Variants in CD79A observed in about 807,000 individuals in gnomAD.
CD79A encodes B-cell antigen receptor complex-associated protein alpha chain.
In CD79A, 16 loss-of-function variants were observed where a neutral mutation model predicts 27.4. That is an observed-to-expected ratio of 0.58 (90% confidence interval 0.40 to 0.89). The LOEUF (loss-of-function observed/expected upper bound fraction) is 0.89. CD79A is among the 40% of genes least tolerant of loss of function. The pLI is 0.00. For missense variants in CD79A, 237 were observed against 299.7 expected (o/e 0.79, Z 1.55); for synonymous variants, 110 against 132.7 (o/e 0.83, Z 1.18).
rs374135887 is a variant in CD79A, at chr19:41,877,364, G to A, written c.60G>A (p.Leu20=). 4.3e-6 allele frequency: 7 copies of A among 1,613,962 alleles called. No individual in the cohort carries two copies. The highest frequency in any genetic ancestry group is 5.9e-6 in the Non-Finnish European group (7 of 1,179,932). ...ALPATIFLLF[L]LSAVYLGPGC... ...CTGCCACCATCTTCCTCCTCTTCCT[G>A]CTGTCTGCTGTCTACCTGGGTATGT... The change falls in exon 1 of 5, where the codon CTG becomes CTA. Residue 20 remains leucine, a synonymous_variant. Transcript: ENST00000221972. This position sits in a 1 kb window ranked among gnomAD's most constrained non-coding sequence, Gnocchi z 4.1.
chr19:41,881,248 C>T lies in CD79A; in HGVS notation c.*268C>T, dbSNP rs1555844227. On this transcript the variant is annotated 3_prime_UTR_variant, in exon 5 of 5. Coordinates refer to ENST00000221972, the MANE Select transcript of CD79A (RefSeq NM_001783.4). ...CTGCCTTTCCCAGGCTCCCCTCACC[C>T]CAGCGGGTAATGAGCCCTTAATCGC... 1.8e-6 allele frequency: 1 copy of T among 563,056 alleles called. No homozygotes were observed. Among genetic ancestry groups the T allele is most frequent in the African/African-American group, 1.9e-5 (1 of 53,304 alleles). The allele number at this position is 563,056 out of a possible 1,614,324, so 34.9% of individuals were successfully genotyped here. A position where few individuals can be genotyped will look rare whatever the true frequency, so the allele number is the denominator to read the frequency against.
rs1555843115 is a variant in CD79A at position 41,877,373 on chromosome 19, T to G, written c.69T>G (p.Ala23=). 5 of 1,614,012 alleles carry G rather than the reference T, an allele frequency of 3.1e-6. No homozygotes were observed. The highest frequency in any genetic ancestry group is 4.2e-6 in the Non-Finnish European group (5 of 1,179,900). Residue 23 remains alanine, a synonymous_variant, in exon 1 of 5, where the codon GCT becomes GCG. Coordinates refer to ENST00000221972, the MANE Select transcript of CD79A (RefSeq NM_001783.4). This position sits in a 1 kb window ranked among gnomAD's most constrained non-coding sequence, Gnocchi z 4.1. ...TCTTCCTCCTCTTCCTGCTGTCTGCTGTCTACCTGGGTATGTGGCCAAAGG... is the reference window on the plus strand; with the variant it reads ...TCTTCCTCCTCTTCCTGCTGTCTGCGGTCTACCTGGGTATGTGGCCAAAGG... The part of the protein sequence containing the change: ...ATIFLLFLLS[A]VYLGPGCQAL...
chr19:41,879,491 G>T lies in CD79A; in HGVS notation c.380-44G>T. The T allele has an allele frequency of 2.1e-6, 3 of 1,439,298 alleles. No homozygotes were observed. In the South Asian group the frequency reaches 3.5e-5, roughly 17 times the overall value. 89.2% of individuals were successfully genotyped at this position (1,439,298 alleles called of 1,614,324 possible). On this transcript the variant is annotated intron_variant, in intron 2 of 4. Transcript: ENST00000221972. This position sits in a 1 kb window ranked among gnomAD's most constrained non-coding sequence, Gnocchi z 5.1. ...GTGGGCGGGGCCAGGAGGCTAGGGA[G>T]GGCAAGAGGGGCCAGGGCTCTGAGC...
rs550589218 is a variant in CD79A, at chr19:41,880,942, A to T, written c.643A>T (p.Ser215Cys). The change falls in exon 5 of 5, where the codon AGC becomes TGC. Residue 215 changes from serine (S) to cysteine (C), a missense_variant. Coordinates refer to ENST00000221972, the MANE Select transcript of CD79A (RefSeq NM_001783.4). ...CCAGGGCACCTACCAGGATGTGGGC[A>T]GCCTCAACATAGGAGATGTCCAGCT... is the stretch of plus-strand genomic sequence containing the variant. ...GLQGTYQDVGSLNIGDVQLEK... is the reference protein window; with the variant it reads ...GLQGTYQDVGCLNIGDVQLEK... 1 of 1,596,668 alleles carries T rather than the reference A, an allele frequency of 6.3e-7. No homozygotes were observed. The highest frequency in any genetic ancestry group is 1.7e-5 in the Admixed American group (1 of 57,308).
chr19:41,879,496 A>C lies in CD79A; in HGVS notation c.380-39A>C, dbSNP rs1555843676. ...CGGGGCCAGGAGGCTAGGGAGGGCA[A>C]GAGGGGCCAGGGCTCTGAGCCATAC... On this transcript the variant is annotated intron_variant, in intron 2 of 4. Coordinates refer to ENST00000221972, the MANE Select transcript of CD79A (RefSeq NM_001783.4). This position sits in a 1 kb window ranked among gnomAD's most constrained non-coding sequence, Gnocchi z 5.1. 2 of 1,473,610 alleles carry C rather than the reference A, an allele frequency of 1.4e-6. No individual in the cohort carries two copies. The highest frequency in any genetic ancestry group is 1.9e-6 in the Non-Finnish European group (2 of 1,066,434). 91.3% of individuals were successfully genotyped at this position (1,473,610 alleles called of 1,614,324 possible). A position where few individuals can be genotyped will look rare whatever the true frequency, so the allele number is the denominator to read the frequency against.
At chr19:41,880,456 GGAA>G (rs55674421) in intron 3 of CD79A, among the ~76,000 whole-genome samples, 7,802 of 38,498 alleles carry the variant, frequency 0.2, 297 homozygotes, top group Non-Finnish European at 0.27. Flanking sequence ...GGGAAGGGAA[GGAA>G]GGAAGGAAGG....
Position 41,879,456 on chromosome 19 carries a change from C to T in CD79A, c.380-79C>T. On this transcript the variant is annotated intron_variant, in intron 2 of 4. Coordinates refer to ENST00000221972, the MANE Select transcript of CD79A (RefSeq NM_001783.4). The surrounding 1 kb of genome is among the most constrained non-coding windows in gnomAD (Gnocchi z 5.1). ...GTGGGGTCTCTGGGGGGTCTGGGGC[C>T]TTGCAGGAGGTGGGCGGGGCCAGGA... The T allele has an allele frequency of 7.9e-7, 1 of 1,262,440 alleles. No individual in the cohort carries two copies. The highest frequency in any genetic ancestry group is 1.1e-6 in the Non-Finnish European group (1 of 890,214). The allele number at this position is 1,262,440 out of a possible 1,614,324, so 78.2% of individuals were successfully genotyped here.
At chr19:41,880,645 G>GCT in intron 3 of CD79A, 25 bp from the exon 4 acceptor site, 2 of 1,134,286 alleles carry the variant, frequency 1.8e-6, no homozygotes, top group Non-Finnish European at 2.6e-6. Flanking sequence ...GCTCACTGAG[G>GCT]CACCCACCCC....
intron 4 of CD79A, 60 bp downstream of exon 4, chr19:41,880,798 T>TG: frequency 9.5e-7 from 1 of 1,056,708 alleles, no homozygotes; most frequent in Non-Finnish European, 1.4e-6. Flanking sequence ...GTGTTCCCTC[T>TG]GGGGGTGGCT....
rs1555843585 is a variant in CD79A at position 41,879,273 on chromosome 19, C to T, written c.363C>T (p.Thr121=). The stretch of plus-strand genomic sequence containing the variant: ...AGTCATACCAGCAGTCCTGCGGCAC[C>T]TACCTCCGCGTGCGCCGTGAGTGGC... The part of the protein sequence containing the change: ...GNESYQQSCG[T]YLRVRQPPPR... Residue 121 remains threonine, a synonymous_variant, in exon 2 of 5, where the codon ACC becomes ACT. Coordinates refer to ENST00000221972, the MANE Select transcript of CD79A (RefSeq NM_001783.4). This position sits in a 1 kb window ranked among gnomAD's most constrained non-coding sequence, Gnocchi z 5.1. 6.2e-7 allele frequency: 1 copy of T among 1,612,906 alleles called. No homozygotes were observed.
chr19:41,879,632 T>C lies in CD79A; in HGVS notation c.477T>C (p.Pro159=). 1 of 1,610,156 alleles carries C rather than the reference T, an allele frequency of 6.2e-7. No homozygotes were observed. The highest frequency in any genetic ancestry group is 8.5e-7 in the Non-Finnish European group (1 of 1,177,596). Residue 159 remains proline, a synonymous_variant, in exon 3 of 5, where the codon CCT becomes CCC. Coordinates refer to ENST00000221972, the MANE Select transcript of CD79A (RefSeq NM_001783.4). This position sits in a 1 kb window ranked among gnomAD's most constrained non-coding sequence, Gnocchi z 5.1. The part of the protein sequence containing the change: ...GIILLFCAVV[P]GTLLLFRKRW... ...TCCTCCTGTTCTGCGCGGTGGTGCC[T>C]GGGACGCTGCTGCTGTTCAGGGTGA...
intron 3 of CD79A, among the ~76,000 whole-genome samples, chr19:41,880,266 A>G (rs1215407245): frequency 1.3e-5 from 2 of 151,998 alleles, no homozygotes; most frequent in African/African-American, 2.4e-5. Context: ...CTATAGTCCC[A>G]GCTACTCAGG....
Position 41,881,217 on chromosome 19 carries a change from G to A in CD79A, c.*237G>A, listed in dbSNP as rs782450235. The A allele has an allele frequency of 3.8e-4, 225 of 585,640 alleles. No homozygotes were observed. Among genetic ancestry groups the A allele is most frequent in the Non-Finnish European group, 6.1e-4 (200 of 325,792 alleles). 36.3% of individuals were successfully genotyped at this position (585,640 alleles called of 1,614,324 possible). A position where few individuals can be genotyped will look rare whatever the true frequency, so the allele number is the denominator to read the frequency against. The stretch of plus-strand genomic sequence containing the variant: ...CCCCACCTCCTAACCTAATCCCCCC[G>A]CCCCGCTGCCTTTCCCAGGCTCCCC... On this transcript the variant is annotated 3_prime_UTR_variant, in exon 5 of 5. Transcript: ENST00000221972.
intron 3 of CD79A, among the ~76,000 whole-genome samples, chr19:41,880,391 A>AAGAAAG (rs2074214388): frequency 8.2e-6 from 1 of 121,540 alleles, no homozygotes; most frequent in African/African-American, 3.1e-5. Context: ...GAGAGAGAGA[A>AAGAAAG]AGAGAGAGAG....
chr19:41,879,228 C>T lies in CD79A; in HGVS notation c.318C>T (p.Cys106=). The change falls in exon 2 of 5, where the codon TGC becomes TGT. Residue 106 remains cysteine, a synonymous_variant. Coordinates refer to ENST00000221972, the MANE Select transcript of CD79A (RefSeq NM_001783.4). This position sits in a 1 kb window ranked among gnomAD's most constrained non-coding sequence, Gnocchi z 5.1. The stretch of plus-strand genomic sequence containing the variant: ...AGAGCCATGGGGGCATATACGTGTG[C>T]CGGGTCCAGGAGGGCAACGAGTCAT... ...VNKSHGGIYV[C]RVQEGNESYQ... is the part of the protein sequence containing the mutation. 6.8e-6 allele frequency: 11 copies of T among 1,613,762 alleles called. No homozygotes were observed. Among genetic ancestry groups the T allele is most frequent in the Non-Finnish European group, 9.3e-6 (11 of 1,179,990 alleles).
chr19:41,881,163 G>C lies in CD79A; in HGVS notation c.*183G>C, dbSNP rs1342615922. ...CCAGGCCTCCTTGGACTCCCCTGGG[G>C]GTGTCCCACTCTTCTTCCCTCTAAA... On this transcript the variant is annotated 3_prime_UTR_variant, in exon 5 of 5. Coordinates refer to ENST00000221972, the MANE Select transcript of CD79A (RefSeq NM_001783.4). The C allele has an allele frequency of 6.1e-6, 4 of 651,086 alleles. No homozygotes were observed. Among genetic ancestry groups the C allele is most frequent in the African/African-American group, 5.4e-5 (3 of 56,032 alleles). 40.3% of individuals were successfully genotyped at this position (651,086 alleles called of 1,614,324 possible). A position where few individuals can be genotyped will look rare whatever the true frequency, so the allele number is the denominator to read the frequency against.
Position 41,881,166 on chromosome 19 carries a change from G to A in CD79A, c.*186G>A, listed in dbSNP as rs780281406. The A allele has an allele frequency of 3.1e-6, 2 of 645,642 alleles. No individual in the cohort carries two copies. Among genetic ancestry groups the A allele is most frequent in the Non-Finnish European group, 5.6e-6 (2 of 355,210 alleles). 40.0% of individuals were successfully genotyped at this position (645,642 alleles called of 1,614,324 possible). On this transcript the variant is annotated 3_prime_UTR_variant, in exon 5 of 5. Coordinates refer to ENST00000221972, the MANE Select transcript of CD79A (RefSeq NM_001783.4). ...GGCCTCCTTGGACTCCCCTGGGGGT[G>A]TCCCACTCTTCTTCCCTCTAAACTG... is the stretch of plus-strand genomic sequence containing the variant.
chr19:41,880,064 G>C (rs1047131585), intron 3 of CD79A, among the ~76,000 whole-genome samples: 4 of 152,148 alleles, frequency 2.6e-5, no homozygotes, highest in Non-Finnish European at 4.4e-5. Context: ...TACAGAAAGT[G>C]TGACTGTTAT....
chr19:41,879,546 A>T lies in CD79A; in HGVS notation c.391A>T (p.Arg131Trp). ...TYLRVRQPPP[R>W]PFLDMGEGTK... ...CTACCTCCTTGCAGAGCCGCCCCCC[A>T]GGCCCTTCCTGGACATGGGGGAGGG... Residue 131 changes from arginine to tryptophan, a missense_variant, in exon 3 of 5, where the codon AGG becomes TGG. Physicochemically the swap from Arg to Trp is moderately radical, Grantham distance 101. Transcript: ENST00000221972. The surrounding 1 kb of genome is among the most constrained non-coding windows in gnomAD (Gnocchi z 5.1). The T allele has an allele frequency of 6.2e-7, 1 of 1,608,038 alleles. No individual in the cohort carries two copies. Among genetic ancestry groups the T allele is most frequent in the South Asian group, 1.1e-5 (1 of 90,438 alleles).
Sources: allele counts gnomAD v4.1 joint callset (sites outside exome capture counted in the v4.1 genomes callset), GRCh38; gene constraint gnomAD v4.1.1; non-coding constraint Gnocchi (gnomAD v3.1); transcripts MANE v1.5; gene names NCBI Gene and HGNC (gene_info 2026-07-23, HGNC 2026-07-21).